Variants in GREM2 observed in about 807,000 individuals in gnomAD.
The protein encoded by GREM2 is gremlin 2, DAN family BMP antagonist.
In GREM2, 11 loss-of-function variants were observed where a neutral mutation model predicts 14.2. The observed-to-expected ratio is 0.78, with a 90% CI of 0.49 to 1.28. The LOEUF is 1.28. Among genes scored for constraint, GREM2 ranks in the 50% most tolerant of loss-of-function variants. The probability of loss-of-function intolerance (pLI) is 0.00; values close to 1 mark genes in which losing one functional copy is unlikely to be tolerated. For synonymous variants in GREM2, 98 were observed against 97.6 expected (o/e 1.00, Z -0.02); for missense variants, 210 against 218.5 (o/e 0.96, Z 0.24).
rs142612768 is a variant in GREM2, at chr1:240,563,511, G to T, written c.-2+48373C>A. Reference sequence around the variant, plus strand: ...TAGCTGAGGATGGAAAAAATGTTCCGTGCCCAGCTATTAATCCAGGCATGG... The same window carrying T: ...TAGCTGAGGATGGAAAAAATGTTCCTTGCCCAGCTATTAATCCAGGCATGG... On this transcript the variant is annotated intron_variant, in intron 1 of 1. Coordinates refer to ENST00000318160, the MANE Select transcript of GREM2 (RefSeq NM_022469.4). Among the ~76,000 whole-genome samples the T allele has an allele frequency of 5.9e-5, 9 of 152,254 alleles. No individual in the cohort carries two copies. The South Asian group carries it at 1.9e-3, about 32-fold the overall frequency.
At chr1:240,578,266 C>T (rs1679409631) in intron 1 of GREM2, among the ~76,000 whole-genome samples, 1 of 152,044 alleles carries the variant, frequency 6.6e-6, no homozygotes, top group Non-Finnish European at 1.5e-5. Context: ...GCTGGGACTA[C>T]AGGCGCCTGC....
At chr1:240,598,973 A>G (rs1159661712) in intron 1 of GREM2, among the ~76,000 whole-genome samples, 1 of 152,094 alleles carries the variant, frequency 6.6e-6, no homozygotes, top group Non-Finnish European at 1.5e-5. Flanking sequence ...TGATTCATTC[A>G]ATAAAGAGTA....
intron 1 of GREM2, among the ~76,000 whole-genome samples, chr1:240,571,570 C>T (rs1451405321): frequency 6.6e-6 from 1 of 152,074 alleles, no homozygotes; most frequent in Non-Finnish European, 1.5e-5. Flanking sequence ...GTGGCAGGTG[C>T]CTGTAATCCC....
chr1:240,591,500 A>G (rs1441039547), intron 1 of GREM2, among the ~76,000 whole-genome samples: 1 of 152,176 alleles, frequency 6.6e-6, no homozygotes, highest in African/African-American at 2.4e-5. Flanking sequence ...CGTCTTTGGT[A>G]TTCCTTCCTC....
chr1:240,498,425 T>G (rs1677482607), intron 1 of GREM2, among the ~76,000 whole-genome samples: 1 of 152,166 alleles, frequency 6.6e-6, no homozygotes, highest in South Asian at 2.1e-4. Context: ...GTCAGACAGG[T>G]AAGTAGGCAA....
chr1:240,533,861 G>A (rs1678415534), intron 1 of GREM2, among the ~76,000 whole-genome samples: 1 of 152,330 alleles, frequency 6.6e-6, no homozygotes, highest in African/African-American at 2.4e-5. Flanking sequence ...GGACGATTGT[G>A]ACGAGAGCCT....
rs1378656309 is a variant in GREM2, at chr1:240,492,258, G to A, written c.*711C>T. On this transcript the variant is annotated 3_prime_UTR_variant, in exon 2 of 2. Coordinates refer to ENST00000318160, the MANE Select transcript of GREM2 (RefSeq NM_022469.4). ...GTTCATCTTTAGTCCACAAATAGGG[G>A]GCGGGGACAGTGAGGAAGAAGAGGC... is the stretch of plus-strand genomic sequence containing the variant. 1 of 448,810 alleles carries A rather than the reference G, an allele frequency of 2.2e-6. No homozygotes were observed. The highest frequency in any genetic ancestry group is 2.0e-5 in the African/African-American group (1 of 49,900). 27.8% of individuals were successfully genotyped at this position (448,810 alleles called of 1,614,324 possible).
chr1:240,569,551 T>C (rs1679222246), intron 1 of GREM2, among the ~76,000 whole-genome samples: 1 of 152,146 alleles, frequency 6.6e-6, no homozygotes, highest in Admixed American at 6.5e-5. Context: ...TACACATACG[T>C]AGACAACTAA....
chr1:240,575,837 A>G (rs890925772), intron 1 of GREM2, among the ~76,000 whole-genome samples: 17 of 151,840 alleles, frequency 1.1e-4, no homozygotes, highest in Middle Eastern at 3.4e-3. Flanking sequence ...TCAGTTTTTA[A>G]CAAAGCTTAC....
intron 1 of GREM2, among the ~76,000 whole-genome samples, chr1:240,606,461 G>C (rs1680026039): frequency 6.6e-6 from 1 of 152,100 alleles, no homozygotes; most frequent in Non-Finnish European, 1.5e-5. Context: ...GAGGATCCTG[G>C]TTATAATACC....
chr1:240,562,787 ATG>A (rs138525751), intron 1 of GREM2, among the ~76,000 whole-genome samples: 3,930 of 149,476 alleles, frequency 0.026, 69 homozygotes, highest in Middle Eastern at 0.053. Flanking sequence ...ATGAGTGTGT[ATG>A]TGTGTATGTG....
chr1:240,510,244 C>T (rs1014949410), intron 1 of GREM2, among the ~76,000 whole-genome samples: 1 of 151,744 alleles, frequency 6.6e-6, no homozygotes, highest in Non-Finnish European at 1.5e-5. Context: ...GTGGCGGGCG[C>T]CTGTAGTCCC....
At chr1:240,555,150 A>AAAAGAAAG (rs139334582) in intron 1 of GREM2, among the ~76,000 whole-genome samples, 40 of 150,742 alleles carry the variant, frequency 2.7e-4, no homozygotes, top group Middle Eastern at 3.4e-3. Flanking sequence ...CATCTCAAAA[A>AAAAGAAAG]AAAGAAAGAA....
At chr1:240,508,751 T>C (rs1435500059) in intron 1 of GREM2, among the ~76,000 whole-genome samples, 2 of 152,202 alleles carry the variant, frequency 1.3e-5, no homozygotes, top group African/African-American at 2.4e-5. Flanking sequence ...TTTTCTTTTA[T>C]AAGTGGATCT....
intron 1 of GREM2, among the ~76,000 whole-genome samples, chr1:240,517,885 C>T (rs1677986861): frequency 6.6e-6 from 1 of 152,122 alleles, no homozygotes; most frequent in Non-Finnish European, 1.5e-5. Flanking sequence ...ATCATCTAGT[C>T]AAGAGAAATT....
intron 1 of GREM2, among the ~76,000 whole-genome samples, chr1:240,601,388 T>C (rs774869953): frequency 2.7e-4 from 41 of 152,240 alleles, no homozygotes; most frequent in Non-Finnish European, 4.7e-4. Flanking sequence ...TGGAGTCTTA[T>C]GCCTGTGTCT....
chr1:240,511,431 G>T (rs1677826450), intron 1 of GREM2, among the ~76,000 whole-genome samples: 1 of 152,180 alleles, frequency 6.6e-6, no homozygotes, highest in African/African-American at 2.4e-5. Context: ...TGTTTACCAT[G>T]GGAGAATATC....
At chr1:240,548,056 G>A (rs966056242) in intron 1 of GREM2, among the ~76,000 whole-genome samples, 5 of 151,124 alleles carry the variant, frequency 3.3e-5, no homozygotes, top group African/African-American at 1.2e-4. Context: ...GAGCTCAGGA[G>A]TTCGAGACCA....
chr1:240,608,680 G>A (rs1680077438), intron 1 of GREM2, among the ~76,000 whole-genome samples: 1 of 152,186 alleles, frequency 6.6e-6, no homozygotes, highest in Non-Finnish European at 1.5e-5. Flanking sequence ...AAAAGAAAGG[G>A]AAATTGAGTT....
Sources: allele counts gnomAD v4.1 joint callset (sites outside exome capture counted in the v4.1 genomes callset), GRCh38; gene constraint gnomAD v4.1.1; transcripts MANE v1.5; gene names NCBI Gene and HGNC (gene_info 2026-07-23, HGNC 2026-07-21).